NRG1: variants seen among roughly 807,000 people sequenced by gnomAD.
NRG1 encodes neuregulin 1.
In NRG1, 18 loss-of-function variants were observed where a neutral mutation model predicts 63.8. The observed-to-expected ratio is 0.28, with a 90% CI of 0.19 to 0.42. NRG1 has a LOEUF of 0.42. Ranked by LOEUF, NRG1 falls within the 10% of genes least tolerant of loss-of-function variation. The pLI is 1.00. For synonymous variants in NRG1, 302 were observed against 301.3 expected (o/e 1.00, Z -0.02); for missense variants, 762 against 814.7 (o/e 0.94, Z 0.79).
At chr8:31,869,889 T>C (rs1056056897) in intron 1 of NRG1, among the ~76,000 whole-genome samples, 1 of 152,194 alleles carries the variant, frequency 6.6e-6, no homozygotes, top group Non-Finnish European at 1.5e-5. Flanking sequence ...TGTGACCTTA[T>C]TGGATTCATA....
intron 1 of NRG1, among the ~76,000 whole-genome samples, chr8:32,482,070 A>G (rs16879468): frequency 0.013 from 1,927 of 152,326 alleles, 45 homozygotes; most frequent in African/African-American, 0.043. Flanking sequence ...ATGACGCTGT[A>G]TGAGTAACAG....
intron 1 of NRG1, among the ~76,000 whole-genome samples, chr8:31,832,091 A>G (rs956146435): frequency 1.3e-5 from 2 of 152,208 alleles, no homozygotes; most frequent in African/African-American, 2.4e-5. Context: ...AGAGTCAGGA[A>G]CACAGCTTTT....
In NRG1 at chr8:32,487,693, C is replaced by A. The variant is rs1174665026; in HGVS notation, c.38-108135C>A. On this transcript the variant is annotated intron_variant, in intron 1 of 10. Coordinates refer to the NRG1 transcript ENST00000519301. The stretch of plus-strand genomic sequence containing the variant: ...CTTGTGAGCATTTGGTGCCACTGAA[C>A]TCTGAAAATCAGGGCATGCAGCATC... Among the ~76,000 whole-genome samples, 4 of 152,328 alleles carry A rather than the reference C, an allele frequency of 2.6e-5. 1 individual carries two copies. The highest frequency in any genetic ancestry group is 1.5e-5 in the Non-Finnish European group (1 of 68,036).
chr8:31,744,597 G>A (rs1302846274), intron 1 of NRG1, among the ~76,000 whole-genome samples: 2 of 151,898 alleles, frequency 1.3e-5, no homozygotes, highest in Non-Finnish European at 2.9e-5. Flanking sequence ...GGCTTATCAT[G>A]AAGTTAAGGA....
intron 1 of NRG1, among the ~76,000 whole-genome samples, chr8:31,915,075 T>TG (rs148704587): frequency 6.6e-6 from 1 of 151,872 alleles, no homozygotes; most frequent in East Asian, 1.9e-4. Flanking sequence ...CAGACCATTT[T>TG]TTTTTTACAA....
intron 1 of NRG1, among the ~76,000 whole-genome samples, chr8:31,769,151 G>A (rs539914366): frequency 2.0e-5 from 3 of 152,208 alleles, no homozygotes; most frequent in African/African-American, 7.2e-5. Context: ...CTGAAATATT[G>A]TAAAGCAAAT....
chr8:31,758,127 G>C (rs1291662916), intron 1 of NRG1, among the ~76,000 whole-genome samples: 7 of 151,970 alleles, frequency 4.6e-5, no homozygotes, highest in Admixed American at 4.6e-4. Context: ...TGTTACATAG[G>C]TATACACGTG....
chr8:32,341,385 T>G (rs190196005), intron 1 of NRG1, among the ~76,000 whole-genome samples: 5 of 152,320 alleles, frequency 3.3e-5, no homozygotes, highest in African/African-American at 9.6e-5. Context: ...TCGGGCAAAG[T>G]GAAGCACTGG....
At chr8:32,482,631 G>A (rs1370307266) in intron 1 of NRG1, among the ~76,000 whole-genome samples, 1 of 152,118 alleles carries the variant, frequency 6.6e-6, no homozygotes, top group African/African-American at 2.4e-5. Context: ...GGACTATGGG[G>A]TGCTCTGTGG....
At chr8:32,238,580 G>A (rs966883442) in intron 1 of NRG1, among the ~76,000 whole-genome samples, 2 of 152,080 alleles carry the variant, frequency 1.3e-5, no homozygotes, top group African/African-American at 4.8e-5. Context: ...GGGAGAGAGA[G>A]GATACCATTC....
At chr8:32,725,099 T>A (rs1821742228) in intron 5 of NRG1, among the ~76,000 whole-genome samples, 1 of 152,030 alleles carries the variant, frequency 6.6e-6, no homozygotes, top group African/African-American at 2.4e-5. Context: ...ATGTCACTGC[T>A]TTTTTTTATT....
At chr8:32,771,276 ATTTTTTT>A (rs553989637), downstream of NRG1, among the ~76,000 whole-genome samples, 2,409 of 92,712 alleles carry the variant, frequency 0.026, 50 homozygotes, top group East Asian at 0.055. Context: ...ATGCCCAGCG[ATTTTTTT>A]TTTTTTTTTT....
At chr8:32,338,683 C>T (rs973723594) in intron 1 of NRG1, among the ~76,000 whole-genome samples, 1 of 152,100 alleles carries the variant, frequency 6.6e-6, no homozygotes, top group East Asian at 1.9e-4. Flanking sequence ...TTTTATGAAA[C>T]ATTTTTATAC....
intron 1 of NRG1, among the ~76,000 whole-genome samples, chr8:32,388,518 A>C (rs180872846): frequency 7.0e-4 from 106 of 152,320 alleles, no homozygotes; most frequent in Admixed American, 6.0e-3. Flanking sequence ...CAATGACATT[A>C]AGAAGAAATA....
chr8:32,120,629 TTTA>T (rs1370524853), intron 1 of NRG1, among the ~76,000 whole-genome samples: 1 of 152,038 alleles, frequency 6.6e-6, no homozygotes, highest in African/African-American at 2.4e-5. Flanking sequence ...AGAAGTTTTT[TTTA>T]TTATTATAGT....
chr8:32,355,211 C>T (rs958581149), intron 1 of NRG1, among the ~76,000 whole-genome samples: 3 of 152,116 alleles, frequency 2.0e-5, no homozygotes, highest in Admixed American at 6.6e-5. Context: ...GTAATCCTAG[C>T]ACTTTGGGTG....
At chr8:32,630,599 G>T (rs1850090686) in intron 5 of NRG1, among the ~76,000 whole-genome samples, 1 of 152,198 alleles carries the variant, frequency 6.6e-6, no homozygotes, top group Non-Finnish European at 1.5e-5. Context: ...GATCAGTTTT[G>T]AGAAGCAGAC....
intron 1 of NRG1, among the ~76,000 whole-genome samples, chr8:32,523,135 CA>C (rs1195957378): frequency 6.6e-6 from 1 of 152,142 alleles, no homozygotes; most frequent in Non-Finnish European, 1.5e-5. Flanking sequence ...TTAAGTTTCT[CA>C]AAGAAATGCT....
intron 1 of NRG1, among the ~76,000 whole-genome samples, chr8:31,777,063 A>G (rs1563389318): frequency 6.6e-6 from 1 of 152,126 alleles, no homozygotes; most frequent in Non-Finnish European, 1.5e-5. Context: ...GAAGACTTGG[A>G]ACCCACTTCC....
Sources: allele counts gnomAD v4.1 joint callset (sites outside exome capture counted in the v4.1 genomes callset), GRCh38; gene constraint gnomAD v4.1.1; transcripts MANE v1.5; gene names NCBI Gene and HGNC (gene_info 2026-07-23, HGNC 2026-07-21).